Variants in RAB5C observed in about 807,000 individuals in gnomAD.
RAB5C encodes the protein RAB5C, member RAS oncogene family.
RAB5C carries 4 observed loss-of-function variants against 25.2 expected under a neutral mutation model. That is an observed-to-expected ratio of 0.16 (90% CI 0.08 to 0.36). The LOEUF (loss-of-function observed/expected upper bound fraction) is 0.36, where lower values mean the gene tolerates loss of function less well. Ranked by LOEUF, RAB5C falls within the 10% of genes least tolerant of loss-of-function variation. The probability of loss-of-function intolerance (pLI) is 1.00; values close to 1 mark genes in which losing one functional copy is unlikely to be tolerated. For missense variants in RAB5C, 199 were observed against 283.8 expected (o/e 0.70, Z 2.15); for synonymous variants, 100 against 106.4 (o/e 0.94, Z 0.37).
intron 5 of RAB5C, chr17:42,126,449 C>T (rs900496565): frequency 1.1e-4 from 22 of 196,786 alleles, no homozygotes; most frequent in Non-Finnish European, 1.7e-4. Flanking sequence ...TGGCTAACAC[C>T]GTGAAACCCC....
chr17:42,151,592 C>T (rs1174548850), intron 1 of RAB5C, among the ~76,000 whole-genome samples: 1 of 151,840 alleles, frequency 6.6e-6, no homozygotes, highest in East Asian at 1.9e-4. Context: ...GGCAGCACCA[C>T]AGGAGAAACA....
At chr17:42,138,782 A>G (rs1257229465) in intron 1 of RAB5C, among the ~76,000 whole-genome samples, 1 of 152,212 alleles carries the variant, frequency 6.6e-6, no homozygotes, top group African/African-American at 2.4e-5. Flanking sequence ...AAGCCTGGAT[A>G]CACATTACCA....
intron 1 of RAB5C, among the ~76,000 whole-genome samples, chr17:42,143,722 T>C (rs2079615975): frequency 6.6e-6 from 1 of 152,136 alleles, no homozygotes; most frequent in African/African-American, 2.4e-5. Flanking sequence ...CAAAGGAGGC[T>C]AAAAGAGCAA....
At chr17:42,126,549 GTGA>G in intron 5 of RAB5C, 1 of 304,070 alleles carries the variant, frequency 3.3e-6, no homozygotes, top group South Asian at 5.7e-5. Flanking sequence ...GGAGAATGGC[GTGA>G]ACCTGGGGGG....
In RAB5C at chr17:42,133,595, C is replaced by T. The variant is rs35708869; in HGVS notation, c.-88-3005G>A. Among the ~76,000 whole-genome samples, 1,189 of 152,242 alleles carry T rather than the reference C, an allele frequency of 7.8e-3. 15 individuals carry two copies. The highest frequency in any genetic ancestry group is 0.027 in the African/African-American group (1,113 of 41,530). On this transcript the variant is annotated intron_variant, in intron 1 of 5. Transcript: ENST00000346213. Reference sequence around the variant, plus strand: ...CCCAGCATCTGCAGGTGAAGCACACCCACTGAAGCACAGCCAGGGCTAGAG... The same window carrying T: ...CCCAGCATCTGCAGGTGAAGCACACTCACTGAAGCACAGCCAGGGCTAGAG...
intron 1 of RAB5C, among the ~76,000 whole-genome samples, chr17:42,134,085 A>G (rs1265743793): frequency 6.6e-6 from 1 of 152,136 alleles, no homozygotes; most frequent in Non-Finnish European, 1.5e-5. Flanking sequence ...AGCCCAAGGA[A>G]GCCAATTTTG....
At chr17:42,153,149 T>C (rs991480163) in intron 1 of RAB5C, among the ~76,000 whole-genome samples, 2 of 152,066 alleles carry the variant, frequency 1.3e-5, no homozygotes, top group African/African-American at 4.8e-5. Flanking sequence ...GGCACGGTGG[T>C]TCACACCTGT....
chr17:42,133,034 G>A (rs1015271437), intron 1 of RAB5C, among the ~76,000 whole-genome samples: 1 of 152,120 alleles, frequency 6.6e-6, no homozygotes, highest in Admixed American at 6.6e-5. Flanking sequence ...TTTTGTGGCA[G>A]CAACTTTGCT....
Position 42,150,352 on chromosome 17 carries a change from T to A in RAB5C, c.-89+4541A>T, listed in dbSNP as rs142928920. The stretch of plus-strand genomic sequence containing the variant: ...TGAGGTCAGGAGATCGAGACCAGCC[T>A]GGCCAACATAGAGGAACCCTGTCTC... On this transcript the variant is annotated intron_variant, in intron 1 of 5. Transcript: ENST00000346213. Among the ~76,000 whole-genome samples, 910 of 150,492 alleles carry A rather than the reference T, an allele frequency of 6.0e-3. 7 individuals carry two copies. Among genetic ancestry groups the A allele is most frequent in the South Asian group, 0.016 (71 of 4,506 alleles).
At chr17:42,151,776 G>A (rs2079673279) in intron 1 of RAB5C, among the ~76,000 whole-genome samples, 1 of 152,084 alleles carries the variant, frequency 6.6e-6, no homozygotes, top group Admixed American at 6.6e-5. Flanking sequence ...TACTGACTTG[G>A]GACTCCTAAC....
chr17:42,129,247 C>G (rs2054461789), intron 2 of RAB5C, among the ~76,000 whole-genome samples: 1 of 152,144 alleles, frequency 6.6e-6, no homozygotes, highest in African/African-American at 2.4e-5. Context: ...TGTCACTGAC[C>G]TTGGGTTTCC....
At chr17:42,141,479 C>T (rs9889640) in intron 1 of RAB5C, among the ~76,000 whole-genome samples, 54,423 of 152,094 alleles carry the variant, frequency 0.36, 13,220 homozygotes, top group African/African-American at 0.69. Flanking sequence ...AGGTACCGCC[C>T]GCTTACACTT....
chr17:42,129,820 G>A (rs533899580), intron 2 of RAB5C, among the ~76,000 whole-genome samples: 40 of 152,364 alleles, frequency 2.6e-4, no homozygotes, highest in Admixed American at 1.7e-3. Flanking sequence ...GCAAGAGGCC[G>A]AGGCCAGACC....
intron 2 of RAB5C, among the ~76,000 whole-genome samples, 155 bp from the exon 3 acceptor site, chr17:42,128,955 G>A (rs2054457932): frequency 6.6e-6 from 1 of 152,092 alleles, no homozygotes; most frequent in African/African-American, 2.4e-5. Flanking sequence ...CTGAGTGGGG[G>A]GTGGAGTTTG....
In RAB5C at chr17:42,125,014, TACTGATTGGTTAC is replaced by T. The variant is rs1183406289; in HGVS notation, c.*756_*768del. On this transcript the variant is annotated 3_prime_UTR_variant, in exon 6 of 6. Transcript: ENST00000346213. The stretch of plus-strand genomic sequence containing the variant: ...CGATCGGCTGACTATATTGACAAGA[TACTGATTGGTTAC>T]ATGTTGAAGAAAACATACAATACAA... 8.5e-5 allele frequency: 13 copies of T among 152,882 alleles called. No homozygotes were observed. Among genetic ancestry groups the T allele is most frequent in the African/African-American group, 3.1e-4 (13 of 41,564 alleles). The allele number at this position is 152,882 out of a possible 1,614,324, so 9.5% of individuals were successfully genotyped here. A position where few individuals can be genotyped will look rare whatever the true frequency, so the allele number is the denominator to read the frequency against.
chr17:42,136,959 T>G (rs540119985), intron 1 of RAB5C, among the ~76,000 whole-genome samples: 58 of 152,320 alleles, frequency 3.8e-4, no homozygotes, highest in Non-Finnish European at 6.5e-4. Flanking sequence ...TATGCATGTT[T>G]TTAAAAAATG....
intron 1 of RAB5C, among the ~76,000 whole-genome samples, chr17:42,142,205 G>GT (rs985104839): frequency 1.8e-4 from 26 of 148,340 alleles, no homozygotes; most frequent in East Asian, 7.8e-4. Flanking sequence ...AGCATCTTGG[G>GT]TTTTTTTTTG....
chr17:42,154,927 G>A lies in RAB5C; in HGVS notation c.-123C>T, dbSNP rs1014210216. 1.3e-5 allele frequency: 2 copies of A among 152,376 alleles called. No homozygotes were observed. Among genetic ancestry groups the A allele is most frequent in the Non-Finnish European group, 2.9e-5 (2 of 68,106 alleles). The allele number at this position is 152,376 out of a possible 1,614,324, so 9.4% of individuals were successfully genotyped here. A position where few individuals can be genotyped will look rare whatever the true frequency, so the allele number is the denominator to read the frequency against. ...GGGGCGGCGGCGTTACTTGGGGCCGGGGCTCGGACGGGATCCGCTTCTCTC... is the reference window on the plus strand; with the variant it reads ...GGGGCGGCGGCGTTACTTGGGGCCGAGGCTCGGACGGGATCCGCTTCTCTC... On this transcript the variant is annotated 5_prime_UTR_variant, in exon 1 of 6. Transcript: ENST00000346213.
At chr17:42,146,701 A>G (rs879824787) in intron 1 of RAB5C, among the ~76,000 whole-genome samples, 2 of 151,562 alleles carry the variant, frequency 1.3e-5, no homozygotes, top group Non-Finnish European at 2.9e-5. Context: ...GTGAGCCAAG[A>G]TGGCATCACT....
Sources: allele counts gnomAD v4.1 joint callset (sites outside exome capture counted in the v4.1 genomes callset), GRCh38; gene constraint gnomAD v4.1.1; transcripts MANE v1.5; gene names NCBI Gene and HGNC (gene_info 2026-07-23, HGNC 2026-07-21).